The following SEPTIN3 variants were observed in gnomAD, a reference collection of about 807,000 sequenced individuals.
SEPTIN3 encodes the protein neuronal-specific septin-3.
Under a neutral mutation model 45.1 loss-of-function variants are expected in SEPTIN3, and 15 were observed. That is an observed-to-expected ratio of 0.33 (90% CI 0.22 to 0.51). The LOEUF is 0.51. SEPTIN3 is among the 20% of genes least tolerant of loss of function. The pLI, the probability that SEPTIN3 is intolerant of heterozygous loss-of-function variation, is 0.97. For synonymous variants in SEPTIN3, 148 were observed against 164.8 expected (o/e 0.90, Z 0.78); for missense variants, 289 against 457.2 (o/e 0.63, Z 3.35).
At chr22:41,983,185 G>T (rs758469859) in intron 3 of SEPTIN3, among the ~76,000 whole-genome samples, 2 of 152,214 alleles carry the variant, frequency 1.3e-5, no homozygotes, top group African/African-American at 2.4e-5. Context: ...AAGCTCAGCT[G>T]GGGCTTGGGC....
chr22:41,978,531 T>C (rs777909580), intron 2 of SEPTIN3, among the ~76,000 whole-genome samples: 2 of 152,116 alleles, frequency 1.3e-5, no homozygotes, highest in African/African-American at 4.8e-5. Context: ...CCATCTGACG[T>C]TGACATGGTG....
chr22:41,994,883 CTGTGTGTGTGTG>C lies in SEPTIN3; in HGVS notation c.2505+198_2505+209del, dbSNP rs59942714. ...GTCTGGTATTTGTGGAGCATCTTGT[CTGTGTGTGTGTG>C]TGTGTGTGTGTGTGTGTGTGTGTGT... is the stretch of plus-strand genomic sequence containing the variant. On this transcript the variant is annotated intron_variant, in intron 11 of 11. Transcript: ENST00000644076. The surrounding 1 kb of genome is among the most constrained non-coding windows in gnomAD (Gnocchi z 4.2). 314 of 1,343,382 alleles carry C rather than the reference CTGTGTGTGTGTG, an allele frequency of 2.3e-4. No individual in the cohort carries two copies. The highest frequency in any genetic ancestry group is 2.7e-4 in the Non-Finnish European group (283 of 1,036,032). The allele number at this position is 1,343,382 out of a possible 1,614,324, so 83.2% of individuals were successfully genotyped here. A position where few individuals can be genotyped will look rare whatever the true frequency, so the allele number is the denominator to read the frequency against.
intron 4 of SEPTIN3, among the ~76,000 whole-genome samples, chr22:41,986,977 T>TA (rs1174487014): frequency 1.3e-5 from 2 of 151,592 alleles, no homozygotes; most frequent in Non-Finnish European, 1.5e-5. Context: ...CCCTGTCTCT[T>TA]AAAAAAAATA....
At chr22:41,982,708 G>A (rs1428068613) in intron 3 of SEPTIN3, among the ~76,000 whole-genome samples, 1 of 151,912 alleles carries the variant, frequency 6.6e-6, no homozygotes, top group East Asian at 1.9e-4. Context: ...GACCAACATG[G>A]TGAAACCCTG....
At chr22:41,988,443 A>C (rs1367663178) in intron 6 of SEPTIN3, among the ~76,000 whole-genome samples, 1 of 152,122 alleles carries the variant, frequency 6.6e-6, no homozygotes, top group Non-Finnish European at 1.5e-5. Flanking sequence ...GTCCCATAAC[A>C]TTACTAAGCC....
intron 3 of SEPTIN3, 122 bp from the exon 4 acceptor site, chr22:41,985,862 T>C: frequency 8.1e-6 from 10 of 1,239,128 alleles, no homozygotes; most frequent in Non-Finnish European, 1.1e-5. Context: ...CATCCCCCAG[T>C]GAGTGGTCAG....
At chr22:41,974,959 G>A (rs941726601) in intron 2 of SEPTIN3, among the ~76,000 whole-genome samples, 2 of 149,550 alleles carry the variant, frequency 1.3e-5, no homozygotes, top group African/African-American at 4.9e-5. Context: ...CTAATAGGTA[G>A]TCTCTGCAGC....
intron 7 of SEPTIN3, among the ~76,000 whole-genome samples, chr22:41,990,547 C>T (rs1474581582): frequency 2.1e-5 from 3 of 141,742 alleles, no homozygotes; most frequent in Admixed American, 1.4e-4. Flanking sequence ...AGATCAAGAC[C>T]ATCCTGGCTA....
Position 41,991,681 on chromosome 22 carries a change from G to A in SEPTIN3, c.2259+13G>A. ...TGACAAAATCAGGGTGGGTGCCTGG[G>A]GCACTGCTCCTCCACTGATGCCCCC... On this transcript the variant is annotated intron_variant, in intron 8 of 11. Transcript: ENST00000644076. The A allele has an allele frequency of 6.4e-7, 1 of 1,558,660 alleles. No individual in the cohort carries two copies. Among genetic ancestry groups the A allele is most frequent in the Non-Finnish European group, 8.9e-7 (1 of 1,129,622 alleles).
rs1388133953 is a variant in SEPTIN3 at position 41,997,395 on chromosome 22, G to A, written c.*428G>A. On this transcript the variant is annotated 3_prime_UTR_variant, in exon 12 of 12. Transcript: ENST00000644076. ...AATTTTTCTGCTTACTAGATTCATT[G>A]AGATCAGCTGTGTGAGCCCCAAAGT... The A allele has an allele frequency of 6.1e-6, 1 of 165,284 alleles. No individual in the cohort carries two copies. The highest frequency in any genetic ancestry group is 1.3e-5 in the Non-Finnish European group (1 of 76,304). The allele number at this position is 165,284 out of a possible 1,614,324, so 10.2% of individuals were successfully genotyped here. A position where few individuals can be genotyped will look rare whatever the true frequency, so the allele number is the denominator to read the frequency against.
rs1423709222 is a variant in SEPTIN3, at chr22:41,972,967, C to A, written c.1475C>A (p.Ala492Asp). The A allele has an allele frequency of 1.0e-5, 4 of 398,812 alleles. No individual in the cohort carries two copies. Among genetic ancestry groups the A allele is most frequent in the Non-Finnish European group, 1.8e-5 (4 of 226,140 alleles). The allele number at this position is 398,812 out of a possible 1,614,324, so 24.7% of individuals were successfully genotyped here. ...NAAMDRATEPASLDLATEYKG... is the reference protein window; with the variant it reads ...NAAMDRATEPDSLDLATEYKG... ...GCCATGGACAGAGCCACAGAGCCTG[C>A]CTCACTGGACCTGGCCACAGAATAC... Residue 492 changes from alanine (A) to aspartate (D), a missense_variant, in exon 2 of 12, where the codon GCC (alanine) becomes GAC (aspartate). Ala to Asp is a moderately radical substitution (Grantham distance 126, BLOSUM62 -2). Transcript: ENST00000644076.
At chr22:41,977,640 G>C (rs188492459) in intron 2 of SEPTIN3, among the ~76,000 whole-genome samples, 2 of 152,010 alleles carry the variant, frequency 1.3e-5, no homozygotes, top group Admixed American at 1.3e-4. Context: ...GCCTTTGTGG[G>C]GGGCGGTGGG....
At chr22:41,987,525 A>G in intron 5 of SEPTIN3, 97 bp from the exon 6 acceptor site, 2 of 1,425,976 alleles carry the variant, frequency 1.4e-6, no homozygotes, top group Non-Finnish European at 1.9e-6. Context: ...CAACCAGGGA[A>G]TGACATGAAT....
intron 4 of SEPTIN3, among the ~76,000 whole-genome samples, chr22:41,986,503 GTTGT>G (rs1448761655): frequency 1.3e-5 from 2 of 150,870 alleles, no homozygotes; most frequent in East Asian, 2.0e-4. Flanking sequence ...TTGTTTGTTT[GTTGT>G]TTGTTTTTTT....
intron 3 of SEPTIN3, chr22:41,982,054 CA>C: frequency 3.5e-6 from 2 of 572,928 alleles, no homozygotes; most frequent in South Asian, 4.3e-5. Context: ...CCCAGCCCCC[CA>C]TCACCAGCTC....
intron 2 of SEPTIN3, among the ~76,000 whole-genome samples, chr22:41,975,023 G>A (rs997040490): frequency 2.6e-5 from 4 of 152,008 alleles, no homozygotes; most frequent in Non-Finnish European, 4.4e-5. Flanking sequence ...ATCCATTTAC[G>A]CTCAGCCTTT....
chr22:41,987,343 C>CTATGG, intron 5 of SEPTIN3, 56 bp downstream of exon 5: 1 of 1,466,436 alleles, frequency 6.8e-7, no homozygotes, highest in South Asian at 1.2e-5. Flanking sequence ...AAGATACTTA[C>CTATGG]TATGGTGCAG....
chr22:41,974,505 A>G (rs973381252), intron 2 of SEPTIN3, among the ~76,000 whole-genome samples: 1 of 151,972 alleles, frequency 6.6e-6, no homozygotes, highest in Non-Finnish European at 1.5e-5. Context: ...TCTACTAAAA[A>G]TACAAACATT....
rs1569436242 is a variant in SEPTIN3 at position 41,976,488 on chromosome 22, A to C, written c.1504+3492A>C. 1 of 151,660 alleles carries C rather than the reference A, an allele frequency of 6.6e-6. No homozygotes were observed. The highest frequency in any genetic ancestry group is 2.4e-5 in the African/African-American group (1 of 41,200). The allele number at this position is 151,660 out of a possible 1,614,324, so 9.4% of individuals were successfully genotyped here. A position where few individuals can be genotyped will look rare whatever the true frequency, so the allele number is the denominator to read the frequency against. ...TCGGCTCTACAGGCACCCGCGCAACACCCCAGCCCCCGCGTGACTCACGCG... is the reference window on the plus strand; with the variant it reads ...TCGGCTCTACAGGCACCCGCGCAACCCCCCAGCCCCCGCGTGACTCACGCG... On this transcript the variant is annotated intron_variant, in intron 2 of 11. Coordinates refer to ENST00000644076, the MANE Select transcript of SEPTIN3 (RefSeq NM_001363845.2). This position sits in a 1 kb window ranked among gnomAD's most constrained non-coding sequence, Gnocchi z 5.8.
Sources: allele counts gnomAD v4.1 joint callset (sites outside exome capture counted in the v4.1 genomes callset), GRCh38; gene constraint gnomAD v4.1.1; non-coding constraint Gnocchi (gnomAD v3.1); transcripts MANE v1.5; gene names NCBI Gene and HGNC (gene_info 2026-07-23, HGNC 2026-07-21).